FETUB: variants seen among roughly 807,000 people sequenced by gnomAD.
The protein encoded by FETUB is fetuin B.
In FETUB, 28 loss-of-function variants were observed where a neutral mutation model predicts 30.9. That is an observed-to-expected ratio of 0.90 (90% CI 0.67 to 1.24). The LOEUF (loss-of-function observed/expected upper bound fraction) is 1.24. Among genes scored for constraint, FETUB ranks in the 50% most tolerant of loss-of-function variants. The probability of loss-of-function intolerance (pLI) is 0.00; values close to 1 mark genes in which losing one functional copy is unlikely to be tolerated. For synonymous variants in FETUB, 186 were observed against 175.9 expected, an observed-to-expected ratio of 1.06 and a Z score of -0.45; for missense variants, 469 against 455.3, an observed-to-expected ratio of 1.03 and a Z score of -0.27.
At position 186,640,480 on chromosome 3, in the gene FETUB, T is replaced by C. The variant is rs910733298; in HGVS notation, c.20T>C (p.Leu7Pro). 5 of 1,614,040 alleles carry C rather than the reference T, an allele frequency of 3.1e-6. No homozygotes were observed. Among genetic ancestry groups the C allele is most frequent in the South Asian group, 1.1e-5 (1 of 91,082 alleles). Residue 7 changes from leucine (L) to proline (P), a missense_variant, in exon 1 of 7, where the codon CTG becomes CCG. By Grantham distance (98) the Leu-to-Pro change is moderately conservative. Coordinates refer to ENST00000265029, the MANE Select transcript of FETUB (RefSeq NM_014375.3). MGLLLPLALCILVLCCG... is the reference protein window; with the variant it reads MGLLLPPALCILVLCCG... ...CACAGAATGGGTCTGCTCCTTCCCCTGGCACTCTGCATCCTAGTCCTGTGC... is the reference window on the plus strand; with the variant it reads ...CACAGAATGGGTCTGCTCCTTCCCCCGGCACTCTGCATCCTAGTCCTGTGC...
At chr3:186,645,047 C>T in intron 4 of FETUB, 127 bp downstream of exon 4, 1 of 665,166 alleles carries the variant, frequency 1.5e-6, no homozygotes, top group Non-Finnish European at 2.5e-6. Context: ...TCTCTACTTT[C>T]CCCACTTTGA....
intron 6 of FETUB, chr3:186,651,918 G>C (rs763006769): frequency 1.1e-5 from 2 of 184,076 alleles, no homozygotes; most frequent in Non-Finnish European, 2.3e-5. Flanking sequence ...GCTGTACAAG[G>C]CCTGGTGCAG....
intron 6 of FETUB, 58 bp from the exon 7 acceptor site, chr3:186,652,205 C>T: frequency 6.6e-7 from 1 of 1,514,164 alleles, no homozygotes; most frequent in Middle Eastern, 1.8e-4. Flanking sequence ...TAGGCTGGTA[C>T]TAGGCATGGG....
chr3:186,644,484 G>T (rs1717327328), intron 3 of FETUB, among the ~76,000 whole-genome samples: 1 of 152,146 alleles, frequency 6.6e-6, no homozygotes, highest in South Asian at 2.1e-4. Flanking sequence ...TGGAGGAAAA[G>T]GTCCTATTTT....
upstream of FETUB, among the ~76,000 whole-genome samples, chr3:186,637,642 C>T (rs757364001): frequency 7.5e-4 from 114 of 152,352 alleles, no homozygotes; most frequent in Non-Finnish European, 1.4e-3. Context: ...CCTGGTTCAC[C>T]TGGCGATGCA....
rs1344114812 is a variant in FETUB at position 186,647,914 on chromosome 3, T to G, written c.696+1565T>G. ...ATGTCATATCTAAGAAACCATTGCC[T>G]AATCCATAATCACCAAGATTTACAT... On this transcript the variant is annotated intron_variant, in intron 5 of 6. Transcript: ENST00000265029. Among the ~76,000 whole-genome samples, 3 of 152,134 alleles carry G rather than the reference T, an allele frequency of 2.0e-5. No homozygotes were observed. The East Asian group carries it at 5.8e-4, about 29-fold the overall frequency.
Position 186,652,672 on chromosome 3 carries a change from T to C in FETUB, c.*41T>C, listed in dbSNP as rs2108553739. On this transcript the variant is annotated 3_prime_UTR_variant, in exon 7 of 7. Coordinates refer to ENST00000265029, the MANE Select transcript of FETUB (RefSeq NM_014375.3). ...TTCTGTAGGGGTATGGTGCGCCGCA[T>C]GACATGGGAGGCGATGGGGACGATG... The C allele has an allele frequency of 6.5e-7, 1 of 1,548,376 alleles. No homozygotes were observed. Among genetic ancestry groups the C allele is most frequent in the South Asian group, 1.2e-5 (1 of 80,274 alleles).
In FETUB at chr3:186,640,570, A is replaced by T. The variant is rs201789536; in HGVS notation, c.110A>T (p.Asn37Ile). The change falls in exon 1 of 7, where the codon AAT (asparagine) becomes ATT (isoleucine). Residue 37 changes from asparagine (N) to isoleucine (I), a missense_variant. Asn to Ile is a moderately radical substitution (Grantham distance 149). Coordinates refer to ENST00000265029, the MANE Select transcript of FETUB (RefSeq NM_014375.3). The part of the protein sequence containing the change: ...NPSALLSRGC[N>I]DSDVLAVAGF... ...TCGGCTCTGCTCTCCCGGGGCTGCA[A>T]TGACTCAGATGTGCTGGCAGTTGCA... The T allele has an allele frequency of 2.7e-5, 43 of 1,614,190 alleles. No homozygotes were observed. The East Asian group carries it at 9.1e-4, about 34-fold the overall frequency.
intron 5 of FETUB, among the ~76,000 whole-genome samples, chr3:186,650,094 C>G (rs1244255030): frequency 7.9e-6 from 1 of 125,910 alleles, no homozygotes; most frequent in Non-Finnish European, 1.5e-5. Context: ...CACATATTTG[C>G]TATTATGAAT....
chr3:186,639,634 T>A (rs1275674042), upstream of FETUB, among the ~76,000 whole-genome samples: 11 of 146,602 alleles, frequency 7.5e-5, no homozygotes, highest in Admixed American at 3.5e-4. Context: ...AGTAGAACCT[T>A]TCTGAATCAC....
intron 5 of FETUB, among the ~76,000 whole-genome samples, 194 bp from the exon 6 acceptor site, chr3:186,651,024 T>C (rs1717987394): frequency 6.6e-6 from 1 of 152,228 alleles, no homozygotes; most frequent in Non-Finnish European, 1.5e-5. Context: ...TTTCTCATTA[T>C]TGGAGGCAAT....
intron 4 of FETUB, among the ~76,000 whole-genome samples, chr3:186,645,796 G>A (rs372162531): frequency 1.4e-5 from 2 of 138,956 alleles, no homozygotes; most frequent in Non-Finnish European, 3.0e-5. Flanking sequence ...GCGCGATCTT[G>A]GCTCACTGCA....
chr3:186,645,954 T>G (rs535745799), intron 4 of FETUB, among the ~76,000 whole-genome samples: 1 of 150,400 alleles, frequency 6.6e-6, no homozygotes, highest in African/African-American at 2.4e-5. Flanking sequence ...CTTGATCTCC[T>G]GACCTCGTGA....
intron 5 of FETUB, 33 bp from the exon 6 acceptor site, chr3:186,651,182 GGTA>G (rs2108547836): frequency 7.4e-7 from 1 of 1,356,532 alleles, no homozygotes; most frequent in South Asian, 1.2e-5. Context: ...TGTGATCACT[GGTA>G]ATACTCACAT....
At chr3:186,646,050 G>T (rs892890421) in intron 4 of FETUB, among the ~76,000 whole-genome samples, 198 bp from the exon 5 acceptor site, 3 of 152,200 alleles carry the variant, frequency 2.0e-5, no homozygotes, top group African/African-American at 7.2e-5. Flanking sequence ...GAGAAGAAAG[G>T]TGTGAGATTA....
At chr3:186,650,158 T>C (rs1379796459) in intron 5 of FETUB, among the ~76,000 whole-genome samples, 2 of 48,246 alleles carry the variant, frequency 4.1e-5, no homozygotes, top group Middle Eastern at 0.013. Flanking sequence ...GTAGTTTCTT[T>C]GTTGGCGGGG....
At chr3:186,636,564 G>A (rs536301750), upstream of FETUB, among the ~76,000 whole-genome samples, 9 of 152,254 alleles carry the variant, frequency 5.9e-5, no homozygotes, top group Admixed American at 5.9e-4. Flanking sequence ...TAAACATTTT[G>A]ATTTTTTTCC....
upstream of FETUB, among the ~76,000 whole-genome samples, chr3:186,637,389 T>C (rs958511785): frequency 6.6e-6 from 1 of 152,164 alleles, no homozygotes; most frequent in Non-Finnish European, 1.5e-5. Flanking sequence ...TAAGTACACA[T>C]CCTGTCCCCT....
At chr3:186,644,600 T>C in intron 3 of FETUB, 151 bp from the exon 4 acceptor site, 1 of 577,874 alleles carries the variant, frequency 1.7e-6, no homozygotes. Flanking sequence ...AAGTAATACA[T>C]GGTCATTACA....
Sources: allele counts gnomAD v4.1 joint callset (sites outside exome capture counted in the v4.1 genomes callset), GRCh38; gene constraint gnomAD v4.1.1; transcripts MANE v1.5; gene names NCBI Gene and HGNC (gene_info 2026-07-23, HGNC 2026-07-21).